MED13L: variants seen among roughly 807,000 people sequenced by gnomAD.
MED13L encodes the protein mediator complex subunit 13L.
A neutral mutation model predicts 220.9 loss-of-function variants in MED13L; 7 were observed. The ratio of observed to expected loss-of-function variants is 0.03; its 90% confidence interval spans 0.02 to 0.06. MED13L has a LOEUF of 0.06. MED13L is among the 10% of genes least tolerant of loss of function. The pLI, the probability that MED13L is intolerant of heterozygous loss-of-function variation, is 1.00. For missense variants in MED13L, 1,965 were observed against 2,760.5 expected, an observed-to-expected ratio of 0.71 and a Z score of 6.46; for synonymous variants, 1,011 against 1,015.2, an observed-to-expected ratio of 1.00 and a Z score of 0.08.
chr12:116,216,237 C>G (rs552377980), intron 2 of MED13L, among the ~76,000 whole-genome samples: 1 of 152,246 alleles, frequency 6.6e-6, no homozygotes, highest in South Asian at 2.1e-4. Context: ...TCTCAAACTC[C>G]TGGGTTCAAC....
intron 4 of MED13L, among the ~76,000 whole-genome samples, chr12:116,088,717 A>C (rs936748152): frequency 1.3e-5 from 2 of 151,782 alleles, no homozygotes; most frequent in African/African-American, 4.8e-5. Context: ...TGCTTAAAAA[A>C]GAAAGAAAAG....
At chr12:116,180,931 C>CT (rs11320330) in intron 2 of MED13L, among the ~76,000 whole-genome samples, 3,945 of 121,086 alleles carry the variant, frequency 0.033, 83 homozygotes, top group Middle Eastern at 0.07. Flanking sequence ...TTCTCTCTCT[C>CT]TTTTTTTTTT....
chr12:116,019,587 A>G (rs1212567070), intron 6 of MED13L, among the ~76,000 whole-genome samples, 175 bp from the exon 7 acceptor site: 2 of 152,212 alleles, frequency 1.3e-5, no homozygotes, highest in African/African-American at 4.8e-5. Context: ...ACATGATGAT[A>G]AGAGCATTTG....
At chr12:116,192,175 T>G (rs980860136) in intron 2 of MED13L, among the ~76,000 whole-genome samples, 4 of 152,212 alleles carry the variant, frequency 2.6e-5, no homozygotes, top group African/African-American at 9.6e-5. Flanking sequence ...ACCAGTGCCC[T>G]GGATCCACAT....
intron 2 of MED13L, among the ~76,000 whole-genome samples, chr12:116,221,111 A>C (rs11614867): frequency 0.15 from 23,025 of 152,084 alleles, 1,955 homozygotes; most frequent in Middle Eastern, 0.22. Context: ...GTGGTGGCTC[A>C]TGTGTGTAAT....
chr12:116,128,299 T>C (rs1267933398), intron 2 of MED13L, among the ~76,000 whole-genome samples: 1 of 151,990 alleles, frequency 6.6e-6, no homozygotes, highest in Non-Finnish European at 1.5e-5. Flanking sequence ...CCTAATATGA[T>C]TCTAAGGATT....
intron 10 of MED13L, 194 bp downstream of exon 10, chr12:116,008,207 T>C: frequency 2.9e-6 from 2 of 682,200 alleles, no homozygotes; most frequent in Admixed American, 3.2e-5. Flanking sequence ...TATATGCCCA[T>C]GTGTCAAATG....
At chr12:116,098,948 C>T (rs1443569334) in intron 3 of MED13L, among the ~76,000 whole-genome samples, 6 of 152,158 alleles carry the variant, frequency 3.9e-5, no homozygotes, top group Non-Finnish European at 2.9e-5. Flanking sequence ...TACATATAAA[C>T]ATATTTCCAC....
intron 2 of MED13L, among the ~76,000 whole-genome samples, chr12:116,119,838 A>AAAAAAAAAAT (rs1555213242): frequency 6.3e-5 from 2 of 31,594 alleles, no homozygotes; most frequent in African/African-American, 1.4e-4. Flanking sequence ...AAAAAAAAAA[A>AAAAAAAAAAT]ATATATATAT....
At chr12:115,978,464 T>A (rs1472834998) in intron 23 of MED13L, among the ~76,000 whole-genome samples, 1 of 151,848 alleles carries the variant, frequency 6.6e-6, no homozygotes, top group Non-Finnish European at 1.5e-5. Context: ...GTAGCTGGGA[T>A]TATAGGCATC....
At chr12:116,019,112 T>A in intron 7 of MED13L, 112 bp downstream of exon 7, 1 of 1,029,562 alleles carries the variant, frequency 9.7e-7, no homozygotes, top group African/African-American at 1.6e-5. Context: ...GTTACTCTAC[T>A]ACCTCCATCT....
chr12:116,053,974 T>C (rs1042433268), intron 4 of MED13L, among the ~76,000 whole-genome samples: 3 of 152,148 alleles, frequency 2.0e-5, no homozygotes, highest in African/African-American at 7.2e-5. Context: ...AACCTCGGCT[T>C]TGGCCTACAA....
intron 14 of MED13L, among the ~76,000 whole-genome samples, chr12:116,002,171 T>A (rs1448374672): frequency 6.6e-6 from 1 of 152,242 alleles, no homozygotes; most frequent in African/African-American, 2.4e-5. Context: ...TTCACCCATG[T>A]CATGCTTGAG....
intron 14 of MED13L, among the ~76,000 whole-genome samples, chr12:115,998,127 TA>T (rs774571456): frequency 5.9e-5 from 9 of 151,454 alleles, no homozygotes; most frequent in East Asian, 3.9e-4. Flanking sequence ...ACTCCTTCTT[TA>T]AAAAAAAAGT....
At chr12:116,276,526 G>T in intron 1 of MED13L, 1 of 1,282,142 alleles carries the variant, frequency 7.8e-7, no homozygotes, top group South Asian at 1.2e-5. Flanking sequence ...GGAGCTTCGG[G>T]TGCAAGAGTC....
rs113636095 is a variant in MED13L at position 116,145,693 on chromosome 12, A to ATTTGTTTG, written c.311-34182_311-34181insCAAACAAA. On this transcript the variant is annotated intron_variant, in intron 2 of 30. Transcript: ENST00000281928. ...TATTTATTTATTTATTTATTTATTT[A>ATTTGTTTG]TTTATTTATTTTAAATTTTTGTAGA... Among the ~76,000 whole-genome samples the ATTTGTTTG allele has an allele frequency of 3.6e-4, 51 of 139,830 alleles. No individual in the cohort carries two copies. The South Asian group carries it at 6.2e-3, about 17-fold the overall frequency. 91.7% of individuals were successfully genotyped at this position (139,830 alleles called of 152,430 possible). A position where few individuals can be genotyped will look rare whatever the true frequency, so the allele number is the denominator to read the frequency against.
intron 16 of MED13L, 142 bp from the exon 17 acceptor site, chr12:115,992,099 T>A (rs867392663): frequency 1.5e-4 from 114 of 782,802 alleles, no homozygotes; most frequent in Admixed American, 7.1e-4. Context: ...TATTTAATTT[T>A]CTCTTAAAAA....
At chr12:116,142,541 A>G (rs1210551935) in intron 2 of MED13L, among the ~76,000 whole-genome samples, 1 of 152,080 alleles carries the variant, frequency 6.6e-6, no homozygotes, top group Non-Finnish European at 1.5e-5. Flanking sequence ...TACAAAAATT[A>G]GCCAGGCATA....
chr12:116,036,127 T>C (rs1881181643), intron 4 of MED13L, among the ~76,000 whole-genome samples: 1 of 152,190 alleles, frequency 6.6e-6, no homozygotes, highest in Non-Finnish European at 1.5e-5. Flanking sequence ...GCATACTGCA[T>C]GGCACACAAA....
Sources: gnomAD v4.1 joint callset for allele counts (sites outside exome capture counted in the v4.1 genomes callset) on GRCh38, gnomAD v4.1.1 for gene constraint, MANE v1.5 for transcripts, NCBI Gene and HGNC (gene_info 2026-07-23, HGNC 2026-07-21) for gene names.